Variants in UBTD2 observed in about 807,000 individuals in gnomAD.
UBTD2 encodes the protein ubiquitin domain-containing protein 2.
UBTD2 carries 9 observed loss-of-function variants against 19.8 expected under a neutral mutation model. The observed-to-expected ratio is 0.46, with a 90% CI of 0.27 to 0.79. UBTD2 has a LOEUF of 0.79. Ranked by LOEUF, UBTD2 falls within the 30% of genes least tolerant of loss-of-function variation. The pLI is 0.14. For missense variants in UBTD2, 250 were observed against 300.4 expected (o/e 0.83, Z 1.24); for synonymous variants, 98 against 103.9 (o/e 0.94, Z 0.35).
At chr5:172,235,088 AT>A (rs11441063) in intron 1 of UBTD2, among the ~76,000 whole-genome samples, 33 of 151,692 alleles carry the variant, frequency 2.2e-4, no homozygotes, top group East Asian at 5.8e-4. Flanking sequence ...CTCTAAAAAA[AT>A]TTTTTTTTAA....
chr5:172,215,736 T>C (rs1472908611), intron 2 of UBTD2, among the ~76,000 whole-genome samples: 1 of 151,970 alleles, frequency 6.6e-6, no homozygotes, highest in Non-Finnish European at 1.5e-5. Context: ...ATAAGAGAGA[T>C]GGAAATTCTA....
chr5:172,249,864 T>C (rs1754957916), intron 1 of UBTD2, among the ~76,000 whole-genome samples: 1 of 152,212 alleles, frequency 6.6e-6, no homozygotes, highest in Admixed American at 6.6e-5. Context: ...CAAAATGCTT[T>C]TTCATAAAAC....
At chr5:172,257,092 A>G (rs1755169640) in intron 1 of UBTD2, among the ~76,000 whole-genome samples, 1 of 152,184 alleles carries the variant, frequency 6.6e-6, no homozygotes, top group Non-Finnish European at 1.5e-5. Context: ...TCACCCAGGT[A>G]GCAAGCACAG....
chr5:172,242,494 A>G, intron 1 of UBTD2: 2 of 897,606 alleles, frequency 2.2e-6, no homozygotes, highest in Non-Finnish European at 2.7e-6. Flanking sequence ...ATGTGTGAAG[A>G]CATTTTAACT....
intron 1 of UBTD2, among the ~76,000 whole-genome samples, chr5:172,281,404 TAGA>T (rs1755712704): frequency 6.6e-6 from 1 of 152,142 alleles, no homozygotes; most frequent in East Asian, 1.9e-4. Flanking sequence ...GAGGCTGAGG[TAGA>T]AGGATCACTT....
rs1408969292 is a variant in UBTD2 at position 172,283,499 on chromosome 5, GCGCGGGGGCCCGGCGCGGCC to G, written c.70+77_70+96del. The G allele has an allele frequency of 1.1e-5, 11 of 974,080 alleles. No homozygotes were observed. The highest frequency in any genetic ancestry group is 3.4e-5 in the African/African-American group (2 of 58,538). 60.3% of individuals were successfully genotyped at this position (974,080 alleles called of 1,614,324 possible). A position where few individuals can be genotyped will look rare whatever the true frequency, so the allele number is the denominator to read the frequency against. On this transcript the variant is annotated intron_variant, in intron 1 of 2. Transcript: ENST00000393792. The surrounding 1 kb of genome is among the most constrained non-coding windows in gnomAD (Gnocchi z 4.3). The stretch of plus-strand genomic sequence containing the variant: ...ACGTGGAAGAGGGGATGACAAAGGG[GCGCGGGGGCCCGGCGCGGCC>G]CGCGGGGGTCGGGACAGGTGGCCGG...
At chr5:172,226,473 A>G (rs1771768168) in intron 2 of UBTD2, among the ~76,000 whole-genome samples, 1 of 152,182 alleles carries the variant, frequency 6.6e-6, no homozygotes. Flanking sequence ...TGCCTAGTAC[A>G]TATAACAAAT....
chr5:172,259,043 T>C (rs1755214549), intron 1 of UBTD2, among the ~76,000 whole-genome samples: 1 of 152,238 alleles, frequency 6.6e-6, no homozygotes, highest in Non-Finnish European at 1.5e-5. Context: ...GGGGAATGTT[T>C]CCAGCTTTTA....
At chr5:172,262,354 A>G (rs1178156400) in intron 1 of UBTD2, among the ~76,000 whole-genome samples, 1 of 146,666 alleles carries the variant, frequency 6.8e-6, no homozygotes, top group Non-Finnish European at 1.5e-5. Context: ...GGAGGTTGAG[A>G]GAGAAGAATC....
At chr5:172,234,380 T>C (rs748520098) in intron 1 of UBTD2, 22 bp from the exon 2 acceptor site, 66 of 1,604,088 alleles carry the variant, frequency 4.1e-5, no homozygotes, top group Non-Finnish European at 5.5e-5. Context: ...AATAAAAGAC[T>C]GAGATCAAAC....
chr5:172,245,312 TC>T (rs1754857141), intron 1 of UBTD2, among the ~76,000 whole-genome samples: 1 of 152,108 alleles, frequency 6.6e-6, no homozygotes, highest in African/African-American at 2.4e-5. Context: ...GTAATGGAGA[TC>T]ATGGGGGAAA....
In UBTD2 at chr5:172,259,406, G is replaced by T. The variant is rs147661005; in HGVS notation, c.70+24190C>A. Among the ~76,000 whole-genome samples the T allele has an allele frequency of 1.6e-4, 24 of 152,240 alleles. No homozygotes were observed. In the East Asian group the frequency reaches 4.1e-3, roughly 26 times the overall value. On this transcript the variant is annotated intron_variant, in intron 1 of 2. Coordinates refer to ENST00000393792, the MANE Select transcript of UBTD2 (RefSeq NM_152277.3). ...TCTGCCCGCCTCAGCCTCCCAAAGT[G>T]CTGGGATTACAGGAGTGAGCCATCG...
Position 172,211,796 on chromosome 5 carries a change from A to G in UBTD2, c.*34T>C. ...GACAACAAGAACCATAAAAAGGAGC[A>G]GAGGGATGTGGGAGCTGGCCAACAG... On this transcript the variant is annotated 3_prime_UTR_variant, in exon 3 of 3. Transcript: ENST00000393792. 1 of 1,550,676 alleles carries G rather than the reference A, an allele frequency of 6.4e-7. No individual in the cohort carries two copies.
At chr5:172,220,986 G>C (rs982150240) in intron 2 of UBTD2, among the ~76,000 whole-genome samples, 1 of 152,080 alleles carries the variant, frequency 6.6e-6, no homozygotes, top group African/African-American at 2.4e-5. Flanking sequence ...TGAGCAAGTA[G>C]AATATGAAAT....
chr5:172,283,022 C>T lies in UBTD2; in HGVS notation c.70+574G>A, dbSNP rs1342604769. Among the ~76,000 whole-genome samples the T allele has an allele frequency of 6.6e-6, 1 of 152,166 alleles. No homozygotes were observed. Among genetic ancestry groups the T allele is most frequent in the Non-Finnish European group, 1.5e-5 (1 of 68,030 alleles). On this transcript the variant is annotated intron_variant, in intron 1 of 2. Transcript: ENST00000393792. The surrounding 1 kb of genome is among the most constrained non-coding windows in gnomAD (Gnocchi z 4.3). ...ACCCGGGAAGACCGTTTCCCCACCCCTCCTTAATACAATGCCTGCGGCCAC... is the reference window on the plus strand; with the variant it reads ...ACCCGGGAAGACCGTTTCCCCACCCTTCCTTAATACAATGCCTGCGGCCAC...
chr5:172,215,961 C>T (rs960596789), intron 2 of UBTD2, among the ~76,000 whole-genome samples: 4 of 152,058 alleles, frequency 2.6e-5, no homozygotes, highest in South Asian at 4.1e-4. Context: ...GTCAGGAGTT[C>T]GAGACCAGCC....
intron 1 of UBTD2, among the ~76,000 whole-genome samples, chr5:172,279,241 G>A (rs2113143323): frequency 6.6e-6 from 1 of 152,324 alleles, no homozygotes; most frequent in African/African-American, 2.4e-5. Flanking sequence ...GCAATTAAAA[G>A]TAATGGCAAA....
In UBTD2 at chr5:172,210,151, G is replaced by C. The variant is rs1057346349; in HGVS notation, c.*1679C>G. The C allele has an allele frequency of 6.6e-6, 1 of 152,164 alleles. No individual in the cohort carries two copies. The highest frequency in any genetic ancestry group is 6.5e-5 in the Admixed American group (1 of 15,282). 9.4% of individuals were successfully genotyped at this position (152,164 alleles called of 1,614,324 possible). On this transcript the variant is annotated 3_prime_UTR_variant, in exon 3 of 3. Coordinates refer to ENST00000393792, the MANE Select transcript of UBTD2 (RefSeq NM_152277.3). The stretch of plus-strand genomic sequence containing the variant: ...CATCAGCAAATTTAAATTAGATATA[G>C]CCACAATCTTTAAAATGATTGCATA...
At chr5:172,273,187 T>C (rs1022578381) in intron 1 of UBTD2, among the ~76,000 whole-genome samples, 2 of 152,156 alleles carry the variant, frequency 1.3e-5, no homozygotes, top group Non-Finnish European at 2.9e-5. Flanking sequence ...TCATGTCTAA[T>C]GGATTAAAGC....
Sources: gnomAD v4.1 joint callset for allele counts (sites outside exome capture counted in the v4.1 genomes callset) on GRCh38, gnomAD v4.1.1 for gene constraint, Gnocchi (gnomAD v3.1) non-coding constraint, MANE v1.5 for transcripts, NCBI Gene and HGNC (gene_info 2026-07-23, HGNC 2026-07-21) for gene names.